CEP162: variants seen among roughly 807,000 people sequenced by gnomAD.
The protein encoded by CEP162 is centrosomal protein 162, also known as centrosomal protein of 162 kDa.
In CEP162, 141 loss-of-function variants were observed where a neutral mutation model predicts 169.2. The ratio of observed to expected loss-of-function variants is 0.83; its 90% CI spans 0.73 to 0.96. The LOEUF is 0.96. Ranked by LOEUF, CEP162 falls within the 40% of genes least tolerant of loss-of-function variation. CEP162 has a pLI of 0.00. For missense variants in CEP162, 1,600 were observed against 1,587.2 expected (o/e 1.01, Z -0.14); for synonymous variants, 540 against 526.4 (o/e 1.03, Z -0.35).
rs1162638229 is a variant in CEP162, at chr6:84,155,460, A to T, written c.2832T>A (p.Pro944=). The T allele has an allele frequency of 6.2e-7, 1 of 1,613,328 alleles. No individual in the cohort carries two copies. The highest frequency in any genetic ancestry group is 1.3e-5 in the African/African-American group (1 of 75,030). ...CTGCTGATGCAGCCAATATTAAAGC[A>T]GGTAAAGAATTGGGATATCTTCTCT... ...ILKRRYPNSL[P]ALILAASAAG... is the part of the protein sequence containing the mutation. Residue 944 remains proline, a synonymous_variant, in exon 22 of 27, where the codon CCT becomes CCA. Transcript: ENST00000403245.
rs148340487 is a variant in CEP162, at chr6:84,185,327, G to A, written c.1523C>T (p.Ala508Val). The change falls in exon 13 of 27, where the codon GCG becomes GTG. Residue 508 changes from alanine to valine, a missense_variant. Ala to Val is a moderately conservative substitution (Grantham distance 64, BLOSUM62 0). Coordinates refer to ENST00000403245, the MANE Select transcript of CEP162 (RefSeq NM_014895.4). ...LKRKPQSGLY[A>V]SVRSSGYGKP... ...GCCATAGCCTGAGCTCCTAACTGACGCATATAATCCACTCTGGGGTTTCCT... is the reference window on the plus strand; with the variant it reads ...GCCATAGCCTGAGCTCCTAACTGACACATATAATCCACTCTGGGGTTTCCT... The A allele has an allele frequency of 7.4e-6, 12 of 1,613,422 alleles. No individual in the cohort carries two copies. The highest frequency in any genetic ancestry group is 4.0e-5 in the African/African-American group (3 of 74,846).
At chr6:84,130,582 T>C (rs2099510929) in intron 25 of CEP162, among the ~76,000 whole-genome samples, 1 of 152,212 alleles carries the variant, frequency 6.6e-6, no homozygotes, top group Non-Finnish European at 1.5e-5. Context: ...TCGTTTAGAC[T>C]TGGGAGGGTG....
chr6:84,194,965 C>G lies in CEP162; in HGVS notation c.946G>C (p.Val316Leu), dbSNP rs755541874. Residue 316 changes from valine (V) to leucine (L), a missense_variant, in exon 10 of 27, where the codon GTG (valine) becomes CTG (leucine). Coordinates refer to ENST00000403245, the MANE Select transcript of CEP162 (RefSeq NM_014895.4). The stretch of plus-strand genomic sequence containing the variant: ...TTCACTGAGCTCTTGATATCTTCCA[C>G]TGTGTTACTCTCAATTTTTTGTTTG... ...EDKQKIESNT[V>L]EDIKSSVKGH... 1.2e-6 allele frequency: 2 copies of G among 1,613,482 alleles called. No individual in the cohort carries two copies. The highest frequency in any genetic ancestry group is 2.7e-5 in the African/African-American group (2 of 74,918).
rs557286086 is a variant in CEP162 at position 84,215,264 on chromosome 6, G to A, written c.503+18C>T. On this transcript the variant is annotated intron_variant, in intron 5 of 26. Transcript: ENST00000403245. Reference sequence around the variant, plus strand: ...ATAGAAATCATAAAAATCATTAATAGTTTACACTGTACTTTACCTATGTAA... The same window carrying A: ...ATAGAAATCATAAAAATCATTAATAATTTACACTGTACTTTACCTATGTAA... The A allele has an allele frequency of 3.6e-6, 5 of 1,383,104 alleles. No homozygotes were observed. In the African/African-American group the frequency reaches 5.8e-5, roughly 16 times the overall value. 85.7% of individuals were successfully genotyped at this position (1,383,104 alleles called of 1,614,324 possible). A position where few individuals can be genotyped will look rare whatever the true frequency, so the allele number is the denominator to read the frequency against.
At chr6:84,193,191 C>CCATTTCT (rs1192546928) in intron 11 of CEP162, among the ~76,000 whole-genome samples, 4 of 152,206 alleles carry the variant, frequency 2.6e-5, no homozygotes, top group Non-Finnish European at 5.9e-5. Context: ...TTAATGAGGA[C>CCATTTCT]CATTTCTCTT....
In CEP162 at chr6:84,218,043, A is replaced by G. The variant is rs567303534; in HGVS notation, c.173-2121T>C. 2.6e-5 allele frequency among the ~76,000 whole-genome samples: 4 copies of G among 152,370 alleles called. No homozygotes were observed. The South Asian group carries it at 8.3e-4, about 32-fold the overall frequency. On this transcript the variant is annotated intron_variant, in intron 3 of 26. Transcript: ENST00000403245. ...ACCAGAGAAGCAGCAGTATTCACAG[A>G]GCAAAGTTAAATGTGAATTACAACT...
At position 84,185,456 on chromosome 6, in the gene CEP162, C is replaced by T. The variant is rs753254696; in HGVS notation, c.1402-8G>A. 4 of 1,600,800 alleles carry T rather than the reference C, an allele frequency of 2.5e-6. No homozygotes were observed. The highest frequency in any genetic ancestry group is 2.2e-5 in the East Asian group (1 of 44,640). ...AAGTTGAGATCTGTAAGTCTGTACA[C>T]AACAAACAAAAGCTCTTTAGTACCT... On this transcript the variant is annotated splice_region_variant and splice_polypyrimidine_tract_variant and intron_variant, in intron 12 of 26. Transcript: ENST00000403245.
intron 8 of CEP162, 121 bp from the exon 9 acceptor site, chr6:84,201,026 C>T (rs1445011518): frequency 2.1e-6 from 1 of 470,560 alleles, no homozygotes; most frequent in Non-Finnish European, 3.8e-6. Context: ...CGCCTGTAAT[C>T]CCAGCACTTT....
Position 84,196,740 on chromosome 6 carries a change from A to G in CEP162, c.836-1665T>C, listed in dbSNP as rs2099542320. Among the ~76,000 whole-genome samples the G allele has an allele frequency of 2.0e-5, 3 of 152,194 alleles. No individual in the cohort carries two copies. The South Asian group carries it at 6.2e-4, about 32-fold the overall frequency. On this transcript the variant is annotated intron_variant, in intron 9 of 26. Coordinates refer to ENST00000403245, the MANE Select transcript of CEP162 (RefSeq NM_014895.4). ...CCTGTATATACAATGTAAGTTGTGT[A>G]TATACACAACTTCTAAACAGAAGAG...
chr6:84,180,672 A>G (rs1166008344), intron 13 of CEP162, among the ~76,000 whole-genome samples: 7 of 151,992 alleles, frequency 4.6e-5, no homozygotes, highest in African/African-American at 1.7e-4. Flanking sequence ...TCAATGTGCA[A>G]AAATCACAAG....
chr6:84,174,992 A>C lies in CEP162; in HGVS notation c.1798-38T>G, dbSNP rs747750893. 4.5e-6 allele frequency: 6 copies of C among 1,329,310 alleles called. No homozygotes were observed. In the South Asian group the frequency reaches 6.7e-5, roughly 15 times the overall value. 82.3% of individuals were successfully genotyped at this position (1,329,310 alleles called of 1,614,324 possible). A position where few individuals can be genotyped will look rare whatever the true frequency, so the allele number is the denominator to read the frequency against. On this transcript the variant is annotated intron_variant, in intron 14 of 26. Coordinates refer to ENST00000403245, the MANE Select transcript of CEP162 (RefSeq NM_014895.4). ...AGCATTACTTCATTACAGTAGACTT[A>C]TGTATAAGATTTGAACACAGGTGGT... is the stretch of plus-strand genomic sequence containing the variant.
intron 18 of CEP162, among the ~76,000 whole-genome samples, chr6:84,167,362 T>A (rs2099528229): frequency 6.6e-6 from 1 of 152,196 alleles, no homozygotes; most frequent in Admixed American, 6.5e-5. Flanking sequence ...TAATGTTTGT[T>A]TGAATTTGCC....
At chr6:84,223,701 G>A (rs1037940069) in intron 2 of CEP162, among the ~76,000 whole-genome samples, 1 of 151,700 alleles carries the variant, frequency 6.6e-6, no homozygotes, top group Non-Finnish European at 1.5e-5. Flanking sequence ...GAGGTCAGGT[G>A]TTTCGGACCA....
intron 4 of CEP162, 63 bp downstream of exon 4, chr6:84,215,713 G>A (rs1026197896): frequency 1.3e-6 from 2 of 1,509,124 alleles, no homozygotes; most frequent in African/African-American, 2.8e-5. Flanking sequence ...GATAATTTTT[G>A]TAATTCTGAA....
rs1346529682 is a variant in CEP162, at chr6:84,213,947, CCAAA to C, written c.504-927_504-924del. Among the ~76,000 whole-genome samples, 4 of 152,270 alleles carry C rather than the reference CCAAA, an allele frequency of 2.6e-5. No individual in the cohort carries two copies. The East Asian group carries it at 5.8e-4, about 22-fold the overall frequency. The stretch of plus-strand genomic sequence containing the variant: ...CATGCCATTTGGGTAACATTTCCGA[CCAAA>C]CAAAGAGCAGGCTTGTTTCCACTTA... On this transcript the variant is annotated intron_variant, in intron 5 of 26. Transcript: ENST00000403245.
chr6:84,156,119 A>T (rs1193155013), intron 21 of CEP162, among the ~76,000 whole-genome samples: 1 of 152,158 alleles, frequency 6.6e-6, no homozygotes, highest in Admixed American at 6.6e-5. Flanking sequence ...CCAAAAAAAT[A>T]CACTAGGGAA....
At chr6:84,182,751 G>C (rs1047576421) in intron 13 of CEP162, among the ~76,000 whole-genome samples, 6 of 152,086 alleles carry the variant, frequency 3.9e-5, no homozygotes, top group African/African-American at 1.4e-4. Flanking sequence ...AAGACAAAGG[G>C]ATCTGGTTCC....
chr6:84,169,357 C>T lies in CEP162; in HGVS notation c.2356G>A (p.Asp786Asn), dbSNP rs1375958859. 2 of 1,580,488 alleles carry T rather than the reference C, an allele frequency of 1.3e-6. No homozygotes were observed. The highest frequency in any genetic ancestry group is 1.3e-5 in the African/African-American group (1 of 74,484). Reference protein sequence around the residue: ...SEPTRNQNFTDLLAELRMAQK... With the variant: ...SEPTRNQNFTNLLAELRMAQK... ...GCCATCCGTAGTTCTGCTAACAGATCTGTAAAATTCTGATTTCTTGTGGGC... is the reference window on the plus strand; with the variant it reads ...GCCATCCGTAGTTCTGCTAACAGATTTGTAAAATTCTGATTTCTTGTGGGC... Residue 786 changes from aspartate (D) to asparagine (N), a missense_variant, in exon 18 of 27, where the codon GAT (aspartate) becomes AAT (asparagine). Transcript: ENST00000403245.
In CEP162 at chr6:84,175,362, C is replaced by A; in HGVS notation, c.1664-15G>T. The A allele has an allele frequency of 6.6e-7, 1 of 1,517,006 alleles. No individual in the cohort carries two copies. The highest frequency in any genetic ancestry group is 8.9e-7 in the Non-Finnish European group (1 of 1,124,300). The allele number at this position is 1,517,006 out of a possible 1,614,324, so 94.0% of individuals were successfully genotyped here. A position where few individuals can be genotyped will look rare whatever the true frequency, so the allele number is the denominator to read the frequency against. ...AGATAAGATTTCTAAATATTATAAA[C>A]AATGTATAAATGCACCACAAATGTA... On this transcript the variant is annotated splice_polypyrimidine_tract_variant and intron_variant, in intron 13 of 26. Coordinates refer to ENST00000403245, the MANE Select transcript of CEP162 (RefSeq NM_014895.4).
Sources: allele counts gnomAD v4.1 joint callset (sites outside exome capture counted in the v4.1 genomes callset), GRCh38; gene constraint gnomAD v4.1.1; transcripts MANE v1.5; gene names NCBI Gene and HGNC (gene_info 2026-07-23, HGNC 2026-07-21).